Variants in LAMA2 observed in about 807,000 individuals in gnomAD.
LAMA2 encodes laminin subunit alpha 2.
In LAMA2, 269 loss-of-function variants were observed where a neutral mutation model predicts 364.8. That is an observed-to-expected ratio of 0.74 (90% CI 0.67 to 0.82). The LOEUF (loss-of-function observed/expected upper bound fraction) is 0.82. Among genes scored for constraint, LAMA2 ranks in the 40% least tolerant of loss-of-function variants. The pLI is 0.00. For synonymous variants in LAMA2, 1,379 were observed against 1,370.6 expected, an observed-to-expected ratio of 1.01 and a Z score of -0.14; for missense variants, 3,807 against 3,873.2, an observed-to-expected ratio of 0.98 and a Z score of 0.45.
chr6:129,505,821 C>T (rs892123771), intron 61 of LAMA2, among the ~76,000 whole-genome samples: 9 of 152,026 alleles, frequency 5.9e-5, no homozygotes, highest in African/African-American at 1.9e-4. Context: ...CCTGAGCCAC[C>T]TCGCCCAGCT....
At chr6:129,389,085 T>C (rs1436079871) in intron 35 of LAMA2, among the ~76,000 whole-genome samples, 1 of 152,146 alleles carries the variant, frequency 6.6e-6, no homozygotes, top group East Asian at 1.9e-4. Context: ...ACAATAGTGG[T>C]GAAATATTGG....
rs765747765 is a variant in LAMA2 at position 129,315,493 on chromosome 6, G to T, written c.3573G>T (p.Glu1191Asp). Residue 1191 changes from glutamate (E) to aspartate (D), a missense_variant, in exon 25 of 65, where the codon GAG becomes GAT. By Grantham distance (45) the Glu-to-Asp change is conservative. Around this residue, in one of 3 missense-constraint regions of LAMA2, gnomAD observed 3,333 missense variants for 3,345.7 expected, o/e 1.00. Transcript: ENST00000421865. ...CCTTGCAGGTGACTCTGAAGGCTGAGCAGACCATTCTACCCCTGGTAGATG... is the reference window on the plus strand; with the variant it reads ...CCTTGCAGGTGACTCTGAAGGCTGATCAGACCATTCTACCCCTGGTAGATG... ...LIRTWVTLKA[E>D]QTILPLVDEA... The T allele has an allele frequency of 6.2e-7, 1 of 1,614,166 alleles. No individual in the cohort carries two copies. Among genetic ancestry groups the T allele is most frequent in the South Asian group, 1.1e-5 (1 of 91,078 alleles).
intron 18 of LAMA2, among the ~76,000 whole-genome samples, chr6:129,285,178 C>T (rs1379933904): frequency 2.0e-5 from 3 of 152,122 alleles, no homozygotes; most frequent in Admixed American, 2.0e-4. Flanking sequence ...ATTATATTCT[C>T]TGACCCTCAA....
intron 12 of LAMA2, among the ~76,000 whole-genome samples, chr6:129,247,300 A>C (rs1785817858): frequency 6.6e-6 from 1 of 152,064 alleles, no homozygotes; most frequent in Non-Finnish European, 1.5e-5. Context: ...AAATACAAAA[A>C]ATTATGCAGT....
At chr6:129,386,511 C>A (rs1443166207) in intron 35 of LAMA2, among the ~76,000 whole-genome samples, 1 of 151,820 alleles carries the variant, frequency 6.6e-6, no homozygotes, top group African/African-American at 2.4e-5. Context: ...TGGAAAATGA[C>A]AGCATTTTAA....
chr6:128,977,500 G>A (rs1384462541), intron 1 of LAMA2, among the ~76,000 whole-genome samples: 2 of 151,898 alleles, frequency 1.3e-5, no homozygotes, highest in Non-Finnish European at 2.9e-5. Flanking sequence ...TGGGCCAAGT[G>A]ATCCTTCTGC....
intron 62 of LAMA2, among the ~76,000 whole-genome samples, chr6:129,509,539 G>A (rs918854663): frequency 1.3e-5 from 2 of 152,128 alleles, no homozygotes; most frequent in East Asian, 3.9e-4. Flanking sequence ...TATATGGCGA[G>A]AGATAGGGAT....
At chr6:129,513,766 A>C (rs930655564) in intron 63 of LAMA2, among the ~76,000 whole-genome samples, 4 of 152,170 alleles carry the variant, frequency 2.6e-5, no homozygotes, top group Non-Finnish European at 5.9e-5. Context: ...TTCTAGTCTA[A>C]GTTCTTCATT....
intron 40 of LAMA2, among the ~76,000 whole-genome samples, chr6:129,409,376 G>A (rs1053196243): frequency 1.3e-5 from 2 of 152,184 alleles, no homozygotes; most frequent in Non-Finnish European, 2.9e-5. Flanking sequence ...GGAGGCCATG[G>A]GCGTTTGAGC....
intron 12 of LAMA2, among the ~76,000 whole-genome samples, chr6:129,232,003 T>C (rs1784693736): frequency 6.6e-6 from 1 of 152,138 alleles, no homozygotes; most frequent in South Asian, 2.1e-4. Context: ...CAAAAAGTAA[T>C]GTTGATACAG....
intron 1 of LAMA2, among the ~76,000 whole-genome samples, chr6:128,902,634 G>T (rs115183698): frequency 0.01 from 1,584 of 152,258 alleles, 25 homozygotes; most frequent in African/African-American, 0.036. Context: ...AGAAGAGAAG[G>T]TAGGGTATCA....
intron 12 of LAMA2, among the ~76,000 whole-genome samples, chr6:129,248,636 T>C (rs1464859775): frequency 6.6e-6 from 1 of 152,186 alleles, no homozygotes; most frequent in African/African-American, 2.4e-5. Context: ...TAGGCCTATG[T>C]CCCAATATTC....
At chr6:129,115,090 C>T (rs1014197786) in intron 4 of LAMA2, among the ~76,000 whole-genome samples, 1 of 152,002 alleles carries the variant, frequency 6.6e-6, no homozygotes, top group Non-Finnish European at 1.5e-5. Context: ...CCTCAGAGAT[C>T]TATATACTTC....
chr6:129,148,834 C>A (rs1778633048), intron 6 of LAMA2, 145 bp from the exon 7 acceptor site: 1 of 754,698 alleles, frequency 1.3e-6, no homozygotes, highest in African/African-American at 1.7e-5. Context: ...AAGCCTGGCA[C>A]CACTTTCTTC....
intron 58 of LAMA2, among the ~76,000 whole-genome samples, chr6:129,495,761 A>T (rs534312800): frequency 8.6e-5 from 13 of 152,014 alleles, no homozygotes; most frequent in Admixed American, 7.2e-4. Flanking sequence ...TAGAGATCAC[A>T]CTTTTTCCTT....
At chr6:129,494,829 C>T (rs1383579932) in intron 58 of LAMA2, among the ~76,000 whole-genome samples, 1 of 152,176 alleles carries the variant, frequency 6.6e-6, no homozygotes, top group Non-Finnish European at 1.5e-5. Context: ...TCCTCCTCTT[C>T]ACCCTCATAT....
chr6:129,272,932 C>T (rs1450488890), intron 17 of LAMA2, among the ~76,000 whole-genome samples: 1 of 152,122 alleles, frequency 6.6e-6, no homozygotes, highest in Admixed American at 6.6e-5. Context: ...GAAAAATTGT[C>T]TCCAACAAAA....
intron 23 of LAMA2, among the ~76,000 whole-genome samples, chr6:129,314,398 CAAAAAAA>C (rs3062342): frequency 1.2e-5 from 1 of 81,888 alleles, no homozygotes; most frequent in Non-Finnish European, 2.2e-5. Context: ...GACTCCGTCT[CAAAAAAA>C]AAAAAAAAAA....
intron 3 of LAMA2, among the ~76,000 whole-genome samples, chr6:129,062,872 G>A (rs546500574): frequency 6.8e-5 from 10 of 146,978 alleles, no homozygotes; most frequent in South Asian, 4.3e-4. Context: ...TAACAGAAAC[G>A]ATTGCATTTA....
Sources: allele counts gnomAD v4.1 joint callset (sites outside exome capture counted in the v4.1 genomes callset), GRCh38; gene constraint gnomAD v4.1.1; regional missense constraint gnomAD v4.1.1; transcripts MANE v1.5; gene names NCBI Gene and HGNC (gene_info 2026-07-23, HGNC 2026-07-21).